Variants in DERA observed in about 807,000 individuals in gnomAD.
DERA encodes 2-deoxy-D-ribose 5-phosphate aldolase.
A neutral mutation model predicts 41.1 loss-of-function variants in DERA; 15 were observed. That is an observed-to-expected ratio of 0.37 (90% confidence interval 0.24 to 0.56). DERA has a LOEUF of 0.56. Ranked by LOEUF, DERA falls within the 20% of genes least tolerant of loss-of-function variation. The probability of loss-of-function intolerance (pLI) is 0.81; values close to 1 mark genes in which losing one functional copy is unlikely to be tolerated. For synonymous variants in DERA, 139 were observed against 137.4 expected, an observed-to-expected ratio of 1.01 and a Z score of -0.08; for missense variants, 396 against 403.4, an observed-to-expected ratio of 0.98 and a Z score of 0.16.
Position 16,003,922 on chromosome 12 carries a change from C to T in DERA, c.637+21486C>T, listed in dbSNP as rs7137303. Among the ~76,000 whole-genome samples, 3,491 of 152,266 alleles carry T rather than the reference C, an allele frequency of 0.023. 145 individuals carry two copies. The highest frequency in any genetic ancestry group is 0.079 in the African/African-American group (3,264 of 41,542). ...GTGTTCTGGGTTGTAGAGCTAGCCACTCAGAGGCATCCGGGCCTTCCTCTG... is the reference window on the plus strand; with the variant it reads ...GTGTTCTGGGTTGTAGAGCTAGCCATTCAGAGGCATCCGGGCCTTCCTCTG... On this transcript the variant is annotated intron_variant, in intron 6 of 8. Transcript: ENST00000428559. The surrounding 1 kb of genome is among the most constrained non-coding windows in gnomAD (Gnocchi z 4.8).
intron 6 of DERA, among the ~76,000 whole-genome samples, chr12:16,031,618 G>A (rs992658264): frequency 6.6e-6 from 1 of 152,184 alleles, no homozygotes; most frequent in Admixed American, 6.5e-5. Context: ...ACACGTGAAA[G>A]AGGTATTCTT....
rs545479186 is a variant in DERA at position 16,029,405 on chromosome 12, T to C, written c.638-3137T>C. Among the ~76,000 whole-genome samples the C allele has an allele frequency of 9.2e-5, 14 of 151,376 alleles. 1 individual carries two copies. Among genetic ancestry groups the C allele is most frequent in the South Asian group, 2.1e-4 (1 of 4,738 alleles). On this transcript the variant is annotated intron_variant, in intron 6 of 8. Coordinates refer to ENST00000428559, the MANE Select transcript of DERA (RefSeq NM_015954.4). Reference sequence around the variant, plus strand: ...TCGCGCCACTGCACTCCAGCCTGGGTGACAGAGCGAGACTCCGTCTCAAAA... The same window carrying C: ...TCGCGCCACTGCACTCCAGCCTGGGCGACAGAGCGAGACTCCGTCTCAAAA...
Position 16,026,144 on chromosome 12 carries a change from C to G in DERA, c.638-6398C>G, listed in dbSNP as rs887723122. Among the ~76,000 whole-genome samples, 2 of 151,466 alleles carry G rather than the reference C, an allele frequency of 1.3e-5. No homozygotes were observed. Among genetic ancestry groups the G allele is most frequent in the African/African-American group, 4.8e-5 (2 of 41,252 alleles). ...TCTTAGGAAAGTAGAAAAAGAAGAG[C>G]AATTTAAGCCTAAAGCAAACAGGAG... On this transcript the variant is annotated intron_variant, in intron 6 of 8. Transcript: ENST00000428559. This position sits in a 1 kb window ranked among gnomAD's most constrained non-coding sequence, Gnocchi z 4.4.
intron 6 of DERA, among the ~76,000 whole-genome samples, chr12:15,991,820 T>C (rs1191085919): frequency 6.6e-6 from 1 of 152,142 alleles, no homozygotes; most frequent in East Asian, 1.9e-4. Context: ...TTCTATATGG[T>C]CATTATTGAT....
rs150207118 is a variant in DERA at position 16,021,496 on chromosome 12, G to T, written c.638-11046G>T. Among the ~76,000 whole-genome samples the T allele has an allele frequency of 2.6e-4, 40 of 152,224 alleles. No homozygotes were observed. The highest frequency in any genetic ancestry group is 9.6e-4 in the African/African-American group (40 of 41,458). On this transcript the variant is annotated intron_variant, in intron 6 of 8. Transcript: ENST00000428559. This position sits in a 1 kb window ranked among gnomAD's most constrained non-coding sequence, Gnocchi z 5.3. ...TTCTCTACTAAGGCAGTGCTGAAGG[G>T]AAATGTAGGGTGGAGCCCACACAGA...
rs940960028 is a variant in DERA at position 15,911,353 on chromosome 12, A to C, written c.-31A>C. ...GGGCGCGGCGCAGAGGCGGGCGCCT[A>C]CCAGCCGGCAGCTCCGGAGCTGCCC... On this transcript the variant is annotated 5_prime_UTR_variant, in exon 1 of 9. Coordinates refer to ENST00000428559, the MANE Select transcript of DERA (RefSeq NM_015954.4). This position sits in a 1 kb window ranked among gnomAD's most constrained non-coding sequence, Gnocchi z 4.5. 2.1e-6 allele frequency: 3 copies of C among 1,424,832 alleles called. No homozygotes were observed. The highest frequency in any genetic ancestry group is 1.5e-5 in the African/African-American group (1 of 66,480). 88.3% of individuals were successfully genotyped at this position (1,424,832 alleles called of 1,614,324 possible).
chr12:15,950,658 C>T (rs942560402), intron 1 of DERA, among the ~76,000 whole-genome samples: 3 of 152,142 alleles, frequency 2.0e-5, no homozygotes, highest in Non-Finnish European at 2.9e-5. Context: ...TATATGATGG[C>T]CTCATTGCTT....
In DERA at chr12:15,989,932, G is replaced by A. The variant is rs1948789988; in HGVS notation, c.637+7496G>A. On this transcript the variant is annotated intron_variant, in intron 6 of 8. Transcript: ENST00000428559. The surrounding 1 kb of genome is among the most constrained non-coding windows in gnomAD (Gnocchi z 5.2). Reference sequence around the variant, plus strand: ...ATCTTTCAAAATGTTTTAGAGCAAGGAACACAGTCAGAAGACCAGAACTCT... The same window carrying A: ...ATCTTTCAAAATGTTTTAGAGCAAGAAACACAGTCAGAAGACCAGAACTCT... Among the ~76,000 whole-genome samples the A allele has an allele frequency of 1.3e-5, 2 of 152,110 alleles. No individual in the cohort carries two copies. Among genetic ancestry groups the A allele is most frequent in the African/African-American group, 4.8e-5 (2 of 41,442 alleles).
intron 1 of DERA, among the ~76,000 whole-genome samples, chr12:15,953,063 TCTC>T (rs1478383215): frequency 6.6e-6 from 1 of 152,110 alleles, no homozygotes; most frequent in Non-Finnish European, 1.5e-5. Flanking sequence ...AGTGGCACCT[TCTC>T]CTCTAGAATC....
chr12:15,927,591 C>T (rs1044596819), intron 1 of DERA, among the ~76,000 whole-genome samples: 1 of 152,108 alleles, frequency 6.6e-6, no homozygotes, highest in Non-Finnish European at 1.5e-5. Context: ...TAACACCCCA[C>T]ATAAGTTCAT....
In DERA at chr12:16,014,997, T is replaced by C. The variant is rs1281262416; in HGVS notation, c.638-17545T>C. Among the ~76,000 whole-genome samples the C allele has an allele frequency of 6.6e-6, 1 of 152,176 alleles. No individual in the cohort carries two copies. Among genetic ancestry groups the C allele is most frequent in the African/African-American group, 2.4e-5 (1 of 41,442 alleles). On this transcript the variant is annotated intron_variant, in intron 6 of 8. Coordinates refer to ENST00000428559, the MANE Select transcript of DERA (RefSeq NM_015954.4). The surrounding 1 kb of genome is among the most constrained non-coding windows in gnomAD (Gnocchi z 5.4). ...TGTAGCCACTTCATTTTGGCCAATT[T>C]CTCCCATTTAGAACAATTGTATTTA...
chr12:15,958,430 G>A lies in DERA; in HGVS notation c.277+95G>A, dbSNP rs1429692499. 1.3e-5 allele frequency: 12 copies of A among 942,666 alleles called. No homozygotes were observed. The East Asian group carries it at 1.8e-4, about 14-fold the overall frequency. The allele number at this position is 942,666 out of a possible 1,614,324, so 58.4% of individuals were successfully genotyped here. A position where few individuals can be genotyped will look rare whatever the true frequency, so the allele number is the denominator to read the frequency against. ...TTAAGATACAGCTGCTAATGATAGCGGTGATAGAATCCATGATAGAAACTC... is the reference window on the plus strand; with the variant it reads ...TTAAGATACAGCTGCTAATGATAGCAGTGATAGAATCCATGATAGAAACTC... On this transcript the variant is annotated intron_variant, in intron 3 of 8. Coordinates refer to ENST00000428559, the MANE Select transcript of DERA (RefSeq NM_015954.4).
intron 1 of DERA, among the ~76,000 whole-genome samples, chr12:15,933,517 G>A (rs887341350): frequency 3.9e-5 from 6 of 152,028 alleles, no homozygotes; most frequent in African/African-American, 1.5e-4. Flanking sequence ...CCTTTTTCCA[G>A]TCTATCTTAT....
At chr12:16,022,242 CCTCT>C (rs757384439) in intron 6 of DERA, among the ~76,000 whole-genome samples, 4 of 151,632 alleles carry the variant, frequency 2.6e-5, no homozygotes, top group Admixed American at 1.3e-4. Context: ...TGGCACCTTC[CCTCT>C]CTCTCTCTTG....
In DERA at chr12:15,967,959, A is replaced by C. The variant is rs1948634496; in HGVS notation, c.508+5012A>C. Among the ~76,000 whole-genome samples the C allele has an allele frequency of 6.6e-6, 1 of 152,136 alleles. No homozygotes were observed. Among genetic ancestry groups the C allele is most frequent in the Non-Finnish European group, 1.5e-5 (1 of 68,020 alleles). ...CTGGGCATTTGTGATAAAAGAATTG[A>C]GGTGTGTATGTGAGGGAGGAATAGG... On this transcript the variant is annotated intron_variant, in intron 5 of 8. Transcript: ENST00000428559. This position sits in a 1 kb window ranked among gnomAD's most constrained non-coding sequence, Gnocchi z 4.9.
At chr12:16,031,806 A>G (rs1160672257) in intron 6 of DERA, among the ~76,000 whole-genome samples, 1 of 152,154 alleles carries the variant, frequency 6.6e-6, no homozygotes, top group African/African-American at 2.4e-5. Context: ...TCGTATTACT[A>G]TGATCTCTAT....
rs140260497 is a variant in DERA, at chr12:15,956,683, A to G, written c.32-253A>G. On this transcript the variant is annotated intron_variant, in intron 1 of 8. Transcript: ENST00000428559. The stretch of plus-strand genomic sequence containing the variant: ...TACAGGTTCTTCCAGTTCCAAATGT[A>G]TAGGCTGGTACAGAAGCAATTGTGG... 292 of 530,666 alleles carry G rather than the reference A, an allele frequency of 5.5e-4. 2 individuals carry two copies. The highest frequency in any genetic ancestry group is 4.6e-3 in the African/African-American group (245 of 52,778). The allele number at this position is 530,666 out of a possible 1,614,324, so 32.9% of individuals were successfully genotyped here.
chr12:15,986,321 C>T (rs1372016682), intron 6 of DERA, among the ~76,000 whole-genome samples: 1 of 152,088 alleles, frequency 6.6e-6, no homozygotes, highest in Non-Finnish European at 1.5e-5. Flanking sequence ...TATTCATTTA[C>T]ATTTCATGTA....
rs374318387 is a variant in DERA at position 15,982,407 on chromosome 12, A to G, written c.608A>G (p.Tyr203Cys). The change falls in exon 6 of 9, where the codon TAT becomes TGT. Residue 203 changes from tyrosine (Y) to cysteine (C), a missense_variant. Tyr to Cys is a radical substitution (Grantham distance 194, BLOSUM62 -2). Coordinates refer to ENST00000428559, the MANE Select transcript of DERA (RefSeq NM_015954.4). The surrounding 1 kb of genome is among the most constrained non-coding windows in gnomAD (Gnocchi z 4.0). Reference sequence around the variant, plus strand: ...GAACTTGGAACTCTTACTAATGTCTATAAAGCCAGTATGATAGCAATGATG... The same window carrying G: ...GAACTTGGAACTCTTACTAATGTCTGTAAAGCCAGTATGATAGCAATGATG... ...TGELGTLTNV[Y>C]KASMIAMMAG... The G allele has an allele frequency of 1.6e-5, 25 of 1,612,862 alleles. No homozygotes were observed. The highest frequency in any genetic ancestry group is 1.1e-4 in the South Asian group (10 of 90,682).
Sources: allele counts gnomAD v4.1 joint callset (sites outside exome capture counted in the v4.1 genomes callset), GRCh38; gene constraint gnomAD v4.1.1; non-coding constraint Gnocchi (gnomAD v3.1); transcripts MANE v1.5; gene names NCBI Gene and HGNC (gene_info 2026-07-23, HGNC 2026-07-21).